The following TOM1L1 variants were observed in gnomAD, a reference collection of about 807,000 sequenced individuals.
The protein encoded by TOM1L1 is TOM1-like protein 1.
TOM1L1 carries 64 observed loss-of-function variants against 63.4 expected under a neutral mutation model. The observed-to-expected ratio is 1.01, with a 90% CI of 0.83 to 1.24. TOM1L1 has a LOEUF of 1.24. TOM1L1 is among the 50% of genes most tolerant of loss of function. The probability of loss-of-function intolerance (pLI) is 0.00; values close to 1 mark genes in which losing one functional copy is unlikely to be tolerated. For synonymous variants in TOM1L1, 166 were observed against 194.4 expected, an observed-to-expected ratio of 0.85 and a Z score of 1.22; for missense variants, 536 against 567.0, an observed-to-expected ratio of 0.95 and a Z score of 0.55.
At chr17:54,936,798 A>G in intron 9 of TOM1L1, 89 bp downstream of exon 9, 2 of 1,177,132 alleles carry the variant, frequency 1.7e-6, no homozygotes, top group East Asian at 2.4e-5. Flanking sequence ...AAGTCTTAAA[A>G]AGAGGAAGAT....
intron 15 of TOM1L1, 41 bp from the exon 16 acceptor site, chr17:54,961,194 G>A: frequency 7.7e-7 from 1 of 1,295,010 alleles, no homozygotes. Context: ...GGAAAGAGAA[G>A]GACAGGATGA....
chr17:54,941,016 C>T (rs1356615710), intron 11 of TOM1L1, among the ~76,000 whole-genome samples: 3 of 152,246 alleles, frequency 2.0e-5, no homozygotes, highest in East Asian at 1.9e-4. Flanking sequence ...TCTTCATCCT[C>T]CCTCTCTCCT....
chr17:54,923,706 TG>T (rs2048720431), intron 7 of TOM1L1, among the ~76,000 whole-genome samples: 1 of 151,746 alleles, frequency 6.6e-6, no homozygotes, highest in South Asian at 2.1e-4. Context: ...CCACCATGCC[TG>T]GCTAATTTTT....
chr17:54,953,369 A>G (rs1023528853), intron 14 of TOM1L1: 6 of 152,324 alleles, frequency 3.9e-5, no homozygotes, highest in African/African-American at 1.4e-4. Context: ...TGTCTCAAAC[A>G]AACGAAAAAA....
chr17:54,905,754 A>G (rs979504318), intron 3 of TOM1L1, among the ~76,000 whole-genome samples, 187 bp downstream of exon 3: 33 of 152,234 alleles, frequency 2.2e-4, no homozygotes, highest in African/African-American at 7.7e-4. Flanking sequence ...TTAGTTGTTT[A>G]TAATAGCATT....
At position 54,960,647 on chromosome 17, in the gene TOM1L1, C is replaced by T. The variant is rs2077096926; in HGVS notation, c.*1+20C>T. On this transcript the variant is annotated intron_variant, in intron 15 of 15. Transcript: ENST00000575882. ...ACTGAGGTAAAGACTTCAACTTATACAACTTAATTCCATATTCCATATAAT... is the reference window on the plus strand; with the variant it reads ...ACTGAGGTAAAGACTTCAACTTATATAACTTAATTCCATATTCCATATAAT... The T allele has an allele frequency of 1.3e-6, 2 of 1,549,938 alleles. No homozygotes were observed. The highest frequency in any genetic ancestry group is 2.7e-5 in the African/African-American group (2 of 73,564).
At chr17:54,933,204 C>T (rs2048892194) in intron 8 of TOM1L1, among the ~76,000 whole-genome samples, 1 of 152,212 alleles carries the variant, frequency 6.6e-6, no homozygotes. Flanking sequence ...TGTTCACTTT[C>T]CTTGGCTCAT....
intron 3 of TOM1L1, among the ~76,000 whole-genome samples, chr17:54,907,272 A>G (rs2048428065): frequency 6.6e-6 from 1 of 151,982 alleles, no homozygotes; most frequent in Admixed American, 6.6e-5. Flanking sequence ...GGTCACTGAT[A>G]GAAATGCCTG....
chr17:54,904,143 G>A (rs1057058997), intron 2 of TOM1L1, among the ~76,000 whole-genome samples: 1 of 152,174 alleles, frequency 6.6e-6, no homozygotes, highest in Admixed American at 6.5e-5. Context: ...CGAGGCGGGC[G>A]GATCATGAGG....
intron 14 of TOM1L1, chr17:54,957,151 C>G (rs1049513647): frequency 6.6e-6 from 1 of 152,244 alleles, no homozygotes; most frequent in African/African-American, 2.4e-5. Flanking sequence ...CTATCTGCTT[C>G]CAGCCCCACC....
Position 54,938,936 on chromosome 17 carries a change from C to T in TOM1L1, c.1046C>T (p.Pro349Leu), listed in dbSNP as rs745664277. ...NQLSGLNFSL[P>L]SSDVTNNLKP... ...TTTTGTGTTTTAGATTTCAGCCTTC[C>T]AAGTTCTGATGTAACAAACAACTTA... is the stretch of plus-strand genomic sequence containing the variant. The change falls in exon 11 of 16, where the codon CCA becomes CTA. Residue 349 changes from proline (P) to leucine (L), a missense_variant. Transcript: ENST00000575882. 4 of 1,608,434 alleles carry T rather than the reference C, an allele frequency of 2.5e-6. No individual in the cohort carries two copies. Among genetic ancestry groups the T allele is most frequent in the Admixed American group, 1.7e-5 (1 of 59,384 alleles).
chr17:54,938,246 C>T (rs1443041707), intron 10 of TOM1L1, among the ~76,000 whole-genome samples: 1 of 152,062 alleles, frequency 6.6e-6, no homozygotes, highest in Non-Finnish European at 1.5e-5. Context: ...ATAATCCCAG[C>T]ACTTTGGGAG....
chr17:54,936,801 A>T, intron 9 of TOM1L1, 92 bp downstream of exon 9: 1 of 1,104,606 alleles, frequency 9.1e-7, no homozygotes, highest in Non-Finnish European at 1.3e-6. Context: ...TCTTAAAAAG[A>T]GGAAGATATG....
intron 7 of TOM1L1, chr17:54,916,162 C>A (rs1567824350): frequency 7.3e-6 from 3 of 410,164 alleles, no homozygotes; most frequent in Non-Finnish European, 1.3e-5. Flanking sequence ...TATTTTCATC[C>A]ACTCAACAAA....
chr17:54,928,197 G>A (rs962807082), intron 7 of TOM1L1, among the ~76,000 whole-genome samples: 4 of 152,122 alleles, frequency 2.6e-5, no homozygotes, highest in South Asian at 2.1e-4. Context: ...GATTGTATTC[G>A]TTATCTAGTT....
intron 3 of TOM1L1, among the ~76,000 whole-genome samples, chr17:54,909,818 A>G (rs953276930): frequency 6.6e-6 from 1 of 152,132 alleles, no homozygotes; most frequent in Non-Finnish European, 1.5e-5. Flanking sequence ...ATGGATTCTT[A>G]TTTGTCTTAT....
At chr17:54,936,747 CA>C (rs2048954089) in intron 9 of TOM1L1, 38 bp downstream of exon 9, 1 of 1,559,678 alleles carries the variant, frequency 6.4e-7, no homozygotes, top group East Asian at 2.3e-5. Context: ...AACAATTGAA[CA>C]TTTTGCCAAT....
At position 54,912,707 on chromosome 17, in the gene TOM1L1, GTC is replaced by G; in HGVS notation, c.268_269del (p.Leu90AspfsTer8). ...CVQNCGPSFQ[S>X]LIVKKEFVKE... ...TGCAGAACTGTGGTCCAAGTTTCCA[GTC>G]TCTGATTGTGAAGAAGGAATTTGTT... is the stretch of plus-strand genomic sequence containing the variant. On this transcript the variant is annotated frameshift_variant, in exon 4 of 16. Transcript: ENST00000575882. LOFTEE classifies it high-confidence loss of function. 6.2e-7 allele frequency: 1 copy of G among 1,608,402 alleles called. No individual in the cohort carries two copies. Among genetic ancestry groups the G allele is most frequent in the Non-Finnish European group, 8.5e-7 (1 of 1,178,312 alleles).
At chr17:54,920,978 C>A (rs76600987) in intron 7 of TOM1L1, among the ~76,000 whole-genome samples, 9 of 152,092 alleles carry the variant, frequency 5.9e-5, no homozygotes, top group African/African-American at 2.2e-4. Flanking sequence ...CTTGCCATCT[C>A]GCTTTGTGGG....
Sources: gnomAD v4.1 joint callset for allele counts (sites outside exome capture counted in the v4.1 genomes callset) on GRCh38, gnomAD v4.1.1 for gene constraint, MANE v1.5 for transcripts, NCBI Gene and HGNC (gene_info 2026-07-23, HGNC 2026-07-21) for gene names.